The following TET2 variants were observed in gnomAD, a reference collection of about 807,000 sequenced individuals.
TET2 encodes the protein tet methylcytosine dioxygenase 2, also known as methylcytosine dioxygenase TET2.
In TET2, 299 loss-of-function variants were observed where a neutral mutation model predicts 142.9. The observed-to-expected ratio is 2.09, with a 90% CI of 1.90 to 2.30. The LOEUF is 2.30. Ranked by LOEUF, TET2 falls within the 30% of genes most tolerant of loss-of-function variation. The pLI, the probability that TET2 is intolerant of heterozygous loss-of-function variation, is 0.00. For missense variants in TET2, 2,418 were observed against 2,378.0 expected (o/e 1.02, Z -0.35); for synonymous variants, 819 against 849.0 (o/e 0.96, Z 0.61).
At chr4:105,148,689 A>G (rs980503324) in intron 1 of TET2, among the ~76,000 whole-genome samples, 2 of 152,220 alleles carry the variant, frequency 1.3e-5, no homozygotes, top group Admixed American at 6.5e-5. Context: ...ATGTGTGCTT[A>G]ATAATGTTTG....
chr4:105,275,569 CA>C lies in TET2; in HGVS notation c.5060del (p.Gln1687ArgfsTer8). ...TTACCAGCCAAGGTTTGGAAATAGC[CA>C]GAGTTTTACATCTAAATACTTAGGT... ...TLYQPRFGNS[Q>X]SFTSKYLGYG... is the part of the protein sequence containing the mutation. On this transcript the variant is annotated frameshift_variant, in exon 11 of 11. Coordinates refer to ENST00000380013, the MANE Select transcript of TET2 (RefSeq NM_001127208.3). LOFTEE classifies it low-confidence loss of function (END_TRUNC). 6.4e-7 allele frequency: 1 copy of C among 1,551,662 alleles called. No homozygotes were observed. The highest frequency in any genetic ancestry group is 8.7e-7 in the Non-Finnish European group (1 of 1,146,962).
At chr4:105,164,002 T>C (rs1328918385) in intron 1 of TET2, among the ~76,000 whole-genome samples, 1 of 152,156 alleles carries the variant, frequency 6.6e-6, no homozygotes, top group Non-Finnish European at 1.5e-5. Flanking sequence ...ACTATCAGGC[T>C]AATTCACATG....
intron 2 of TET2, among the ~76,000 whole-genome samples, chr4:105,212,714 G>A (rs886602359): frequency 6.6e-6 from 1 of 151,986 alleles, no homozygotes; most frequent in African/African-American, 2.4e-5. Context: ...TTCCAGCCAG[G>A]TGCGGTAGCT....
chr4:105,265,961 G>A (rs1436569150), intron 8 of TET2, among the ~76,000 whole-genome samples: 2 of 152,124 alleles, frequency 1.3e-5, no homozygotes, highest in African/African-American at 4.8e-5. Context: ...ATTTGGAGAG[G>A]CCAAGGTGAC....
chr4:105,187,280 A>G (rs538358970), intron 1 of TET2, among the ~76,000 whole-genome samples: 1 of 152,360 alleles, frequency 6.6e-6, no homozygotes, highest in South Asian at 2.1e-4. Context: ...AACAGAAAAC[A>G]GAAGGTAAAA....
chr4:105,259,219 G>A (rs894356643), intron 6 of TET2, among the ~76,000 whole-genome samples: 1 of 152,042 alleles, frequency 6.6e-6, no homozygotes, highest in Non-Finnish European at 1.5e-5. Flanking sequence ...GACCCCATCT[G>A]TAAAAAAGAA....
At chr4:105,262,684 C>G (rs1730499632) in intron 8 of TET2, among the ~76,000 whole-genome samples, 1 of 152,028 alleles carries the variant, frequency 6.6e-6, no homozygotes, top group African/African-American at 2.4e-5. Context: ...GAGTTCTAGA[C>G]CAGCCTGATC....
Position 105,278,657 on chromosome 4 carries a change from C to T in TET2, c.*2138C>T, listed in dbSNP as rs575154864. 1.3e-4 allele frequency: 31 copies of T among 232,300 alleles called. No individual in the cohort carries two copies. The highest frequency in any genetic ancestry group is 1.2e-3 in the Middle Eastern group (1 of 802). The allele number at this position is 232,300 out of a possible 1,614,324, so 14.4% of individuals were successfully genotyped here. ...TGTAACTAAAACTAATTTTGTAAAT[C>T]TGTTGGCTCTTTTTATTGTAAAGAA... is the stretch of plus-strand genomic sequence containing the variant. On this transcript the variant is annotated 3_prime_UTR_variant, in exon 11 of 11. Coordinates refer to ENST00000380013, the MANE Select transcript of TET2 (RefSeq NM_001127208.3).
chr4:105,268,457 G>T (rs2726521), intron 8 of TET2, among the ~76,000 whole-genome samples: 64,722 of 151,974 alleles, frequency 0.43, 14,504 homozygotes, highest in Non-Finnish European at 0.52. Context: ...TAAGATGTCA[G>T]TTCTCCCCAA....
At chr4:105,153,064 C>T (rs555782441) in intron 1 of TET2, among the ~76,000 whole-genome samples, 345 of 152,232 alleles carry the variant, frequency 2.3e-3, no homozygotes, top group Non-Finnish European at 3.9e-3. Context: ...TTTTAGTAAA[C>T]TTATATGGGA....
intron 9 of TET2, among the ~76,000 whole-genome samples, chr4:105,270,156 G>T (rs773376872): frequency 1.3e-5 from 2 of 152,208 alleles, no homozygotes; most frequent in Non-Finnish European, 2.9e-5. Flanking sequence ...ATGTTGAGGA[G>T]CAGAACACTG....
intron 6 of TET2, among the ~76,000 whole-genome samples, chr4:105,258,741 T>C (rs1730269206): frequency 6.6e-6 from 1 of 152,114 alleles, no homozygotes; most frequent in South Asian, 2.1e-4. Flanking sequence ...ATACATACAT[T>C]AATTTAAAAA....
At chr4:105,198,899 ATACT>A (rs1726264298) in intron 2 of TET2, among the ~76,000 whole-genome samples, 1 of 152,206 alleles carries the variant, frequency 6.6e-6, no homozygotes, top group African/African-American at 2.4e-5. Context: ...AACCTCAGAG[ATACT>A]TAATTATAAT....
intron 2 of TET2, among the ~76,000 whole-genome samples, chr4:105,195,132 C>T (rs577678207): frequency 3.8e-4 from 58 of 152,314 alleles, no homozygotes; most frequent in East Asian, 7.7e-4. Flanking sequence ...CTAAAATAGA[C>T]TGCACCTTAT....
At chr4:105,229,076 A>C (rs60886348) in intron 2 of TET2, among the ~76,000 whole-genome samples, 13,581 of 152,270 alleles carry the variant, frequency 0.089, 1,742 homozygotes, top group African/African-American at 0.28. Flanking sequence ...TTCAACATGT[A>C]TTAAATATTT....
At position 105,236,787 on chromosome 4, in the gene TET2, CA is replaced by C; in HGVS notation, c.2846del (p.His949LeufsTer4). The C allele has an allele frequency of 6.2e-7, 1 of 1,614,142 alleles. No homozygotes were observed. The highest frequency in any genetic ancestry group is 8.5e-7 in the Non-Finnish European group (1 of 1,180,008). ...QTPPQKDTQK[H>X]AALRWHLLQK... ...CCCTCCCCAGAAGGACACTCAAAAG[CA>C]TGCTGCTCTAAGGTGGCATCTCTTA... On this transcript the variant is annotated frameshift_variant, in exon 3 of 11. Transcript: ENST00000380013. LOFTEE classifies it high-confidence loss of function.
At chr4:105,153,548 T>G (rs550391548) in intron 1 of TET2, among the ~76,000 whole-genome samples, 5 of 152,354 alleles carry the variant, frequency 3.3e-5, no homozygotes, top group African/African-American at 1.2e-4. Context: ...TGTGACAGTG[T>G]AAGTCGATGT....
intron 2 of TET2, among the ~76,000 whole-genome samples, chr4:105,228,083 A>G (rs1728289772): frequency 6.6e-6 from 1 of 152,158 alleles, no homozygotes; most frequent in Non-Finnish European, 1.5e-5. Context: ...ATCAGTATGC[A>G]AGCACTAAGA....
intron 10 of TET2, among the ~76,000 whole-genome samples, chr4:105,273,395 C>T (rs554237985): frequency 3.3e-5 from 5 of 152,132 alleles, no homozygotes; most frequent in South Asian, 2.1e-4. Flanking sequence ...GTAAGTGATA[C>T]GATGAAATTC....
Sources: allele counts gnomAD v4.1 joint callset (sites outside exome capture counted in the v4.1 genomes callset), GRCh38; gene constraint gnomAD v4.1.1; transcripts MANE v1.5; gene names NCBI Gene and HGNC (gene_info 2026-07-23, HGNC 2026-07-21).